ZNF474: variants seen among roughly 807,000 people sequenced by gnomAD.
The protein encoded by ZNF474 is 4933409D10Rik.
For synonymous variants in ZNF474, 192 were observed against 162.2 expected, an observed-to-expected ratio of 1.18 and a Z score of -1.39; for missense variants, 511 against 433.8, an observed-to-expected ratio of 1.18 and a Z score of -1.58.
chr5:122,152,743 T>C lies in ZNF474; in HGVS notation c.753T>C (p.Asn251=), dbSNP rs138137965. The change falls in exon 2 of 2, where the codon AAT becomes AAC. Residue 251 remains asparagine (N), a synonymous_variant. Coordinates refer to ENST00000296600, the MANE Select transcript of ZNF474 (RefSeq NM_207317.3). ...PKCLEKWKME[N]DRLPVELHQP... ...GCCTGGAAAAGTGGAAAATGGAAAA[T>C]GACCGGCTCCCTGTGGAGCTCCACC... 94 of 1,613,964 alleles carry C rather than the reference T, an allele frequency of 5.8e-5. No homozygotes were observed. The highest frequency in any genetic ancestry group is 1.6e-4 in the Middle Eastern group (1 of 6,082).
At chr5:122,142,988 C>T (rs554539682) in intron 1 of ZNF474, among the ~76,000 whole-genome samples, 22 of 152,252 alleles carry the variant, frequency 1.4e-4, no homozygotes, top group African/African-American at 4.6e-4. Context: ...AGGCATTTTC[C>T]TCAGAAACAG....
intron 1 of ZNF474, among the ~76,000 whole-genome samples, chr5:122,143,701 A>C (rs973609919): frequency 6.6e-6 from 1 of 152,198 alleles, no homozygotes; most frequent in African/African-American, 2.4e-5. Flanking sequence ...TCTCTTATAA[A>C]GTATTTCCAG....
chr5:122,133,488 A>G (rs1269860271), intron 1 of ZNF474, among the ~76,000 whole-genome samples: 1 of 152,206 alleles, frequency 6.6e-6, no homozygotes, highest in Admixed American at 6.5e-5. Context: ...CACTTCCATA[A>G]AATACCTATT....
chr5:122,143,743 A>T (rs1755911226), intron 1 of ZNF474, among the ~76,000 whole-genome samples: 2 of 152,170 alleles, frequency 1.3e-5, no homozygotes, highest in African/African-American at 2.4e-5. Context: ...TATGGTCTAT[A>T]TTGCTAATAG....
At chr5:122,143,426 T>A (rs1755900975) in intron 1 of ZNF474, among the ~76,000 whole-genome samples, 1 of 152,148 alleles carries the variant, frequency 6.6e-6, no homozygotes, top group Admixed American at 6.5e-5. Context: ...CTGGCAAACA[T>A]ATGCATCTAT....
At chr5:122,135,938 A>T (rs191910904) in intron 1 of ZNF474, among the ~76,000 whole-genome samples, 28 of 152,266 alleles carry the variant, frequency 1.8e-4, no homozygotes, top group African/African-American at 5.5e-4. Flanking sequence ...AGCTAAAAAA[A>T]AAAATGTGAT....
In ZNF474 at chr5:122,153,545, A is replaced by C. The variant is rs571259026; in HGVS notation, c.*460A>C. 5.8e-6 allele frequency: 1 copy of C among 173,660 alleles called. No individual in the cohort carries two copies. Among genetic ancestry groups the C allele is most frequent in the Admixed American group, 6.2e-5 (1 of 16,244 alleles). 10.8% of individuals were successfully genotyped at this position (173,660 alleles called of 1,614,324 possible). A position where few individuals can be genotyped will look rare whatever the true frequency, so the allele number is the denominator to read the frequency against. Reference sequence around the variant, plus strand: ...ACCCCCAATGACTTTAGCAACAATTAAACACTGAAGCACTTGCAAAAATAC... The same window carrying C: ...ACCCCCAATGACTTTAGCAACAATTCAACACTGAAGCACTTGCAAAAATAC... On this transcript the variant is annotated 3_prime_UTR_variant, in exon 2 of 2. Coordinates refer to ENST00000296600, the MANE Select transcript of ZNF474 (RefSeq NM_207317.3).
rs780298167 is a variant in ZNF474 at position 122,152,551 on chromosome 5, C to G, written c.561C>G (p.Cys187Trp). 1 of 1,614,040 alleles carries G rather than the reference C, an allele frequency of 6.2e-7. No homozygotes were observed. ...ATCTTCTTGTTCATCACAGAAGCTG[C>G]AAGCCAAAGGGTGAGGGTCCCAGAG... Reference protein sequence around the residue: ...PDHLLVHHRSCKPKGEGPRAP... With the variant: ...PDHLLVHHRSWKPKGEGPRAP... Residue 187 changes from cysteine to tryptophan, a missense_variant, in exon 2 of 2, where the codon TGC becomes TGG. Physicochemically the swap from Cys to Trp is radical, Grantham distance 215 (BLOSUM62 -2). Coordinates refer to ENST00000296600, the MANE Select transcript of ZNF474 (RefSeq NM_207317.3).
chr5:122,132,168 C>T (rs1300167389), intron 1 of ZNF474, among the ~76,000 whole-genome samples: 3 of 152,012 alleles, frequency 2.0e-5, no homozygotes, highest in Non-Finnish European at 4.4e-5. Context: ...GTAGTTTGTT[C>T]ATTTGTATTG....
At chr5:122,131,411 A>G (rs892368382) in intron 1 of ZNF474, among the ~76,000 whole-genome samples, 1 of 152,142 alleles carries the variant, frequency 6.6e-6, no homozygotes, top group African/African-American at 2.4e-5. Context: ...GTAACAAATT[A>G]TCTATCAACA....
chr5:122,129,943 T>C (rs1354218525), intron 1 of ZNF474, among the ~76,000 whole-genome samples: 1 of 152,176 alleles, frequency 6.6e-6, no homozygotes, highest in Non-Finnish European at 1.5e-5. Context: ...TTTTACTTCT[T>C]TGGATGCTGA....
At chr5:122,138,648 A>G (rs1755763931) in intron 1 of ZNF474, among the ~76,000 whole-genome samples, 1 of 152,224 alleles carries the variant, frequency 6.6e-6, no homozygotes, top group African/African-American at 2.4e-5. Flanking sequence ...TCATCACTAA[A>G]TAAGTGTCAG....
intron 1 of ZNF474, among the ~76,000 whole-genome samples, chr5:122,136,948 A>G (rs1000190745): frequency 2.6e-5 from 4 of 152,218 alleles, no homozygotes; most frequent in Non-Finnish European, 1.5e-5. Flanking sequence ...TGATATAACT[A>G]TGTAGAGAGC....
In ZNF474 at chr5:122,152,835, C is replaced by A. The variant is rs368395699; in HGVS notation, c.845C>A (p.Ala282Asp). ...AQSSQAGPNQ[A>D]QLVFCPHCSR... ...TCCAGCCAAGCGGGACCAAATCAAG[C>A]TCAGCTTGTGTTCTGCCCACATTGT... The change falls in exon 2 of 2, where the codon GCT becomes GAT. Residue 282 changes from alanine to aspartate, a missense_variant. By Grantham distance (126) the Ala-to-Asp change is moderately radical (BLOSUM62 -2). Coordinates refer to ENST00000296600, the MANE Select transcript of ZNF474 (RefSeq NM_207317.3). 6.2e-7 allele frequency: 1 copy of A among 1,614,192 alleles called. No homozygotes were observed. Among genetic ancestry groups the A allele is most frequent in the Non-Finnish European group, 8.5e-7 (1 of 1,180,020 alleles).
rs750119095 is a variant in ZNF474 at position 122,153,230 on chromosome 5, A to C, written c.*145A>C. 12 of 966,088 alleles carry C rather than the reference A, an allele frequency of 1.2e-5. No individual in the cohort carries two copies. Among genetic ancestry groups the C allele is most frequent in the Admixed American group, 2.9e-5 (1 of 34,026 alleles). The allele number at this position is 966,088 out of a possible 1,614,324, so 59.8% of individuals were successfully genotyped here. A position where few individuals can be genotyped will look rare whatever the true frequency, so the allele number is the denominator to read the frequency against. ...GCCTATACCTCTCTTGGCTGAATAG[A>C]TATAAGAACATCCTTGCCTGATGGG... On this transcript the variant is annotated 3_prime_UTR_variant, in exon 2 of 2. Transcript: ENST00000296600.
rs184778862 is a variant in ZNF474 at position 122,153,429 on chromosome 5, G to C, written c.*344G>C. On this transcript the variant is annotated 3_prime_UTR_variant, in exon 2 of 2. Transcript: ENST00000296600. Reference sequence around the variant, plus strand: ...ATTCCAACAGCCAATATTTATTGTCGGTTTATTTTAGTCATCTACCTTAGG... The same window carrying C: ...ATTCCAACAGCCAATATTTATTGTCCGTTTATTTTAGTCATCTACCTTAGG... 1.3e-4 allele frequency: 29 copies of C among 224,944 alleles called. No homozygotes were observed. Among genetic ancestry groups the C allele is most frequent in the African/African-American group, 5.7e-4 (25 of 43,482 alleles). 13.9% of individuals were successfully genotyped at this position (224,944 alleles called of 1,614,324 possible).
At chr5:122,150,151 G>A (rs1329877848) in intron 1 of ZNF474, among the ~76,000 whole-genome samples, 1 of 152,150 alleles carries the variant, frequency 6.6e-6, no homozygotes, top group African/African-American at 2.4e-5. Flanking sequence ...CCACGGGCTG[G>A]ATTTAAAACC....
chr5:122,137,018 GCAAA>G (rs903641414), intron 1 of ZNF474, among the ~76,000 whole-genome samples: 1 of 152,138 alleles, frequency 6.6e-6, no homozygotes. Context: ...TATTACACAT[GCAAA>G]CAAACAGACA....
chr5:122,137,582 G>A (rs1232246454), intron 1 of ZNF474, among the ~76,000 whole-genome samples: 1 of 150,644 alleles, frequency 6.6e-6, no homozygotes, highest in Non-Finnish European at 1.5e-5. Flanking sequence ...GCAATGGCAA[G>A]AGCATGTGCA....
Sources: allele counts gnomAD v4.1 joint callset (sites outside exome capture counted in the v4.1 genomes callset), GRCh38; gene constraint gnomAD v4.1.1; transcripts MANE v1.5; gene names NCBI Gene and HGNC (gene_info 2026-07-23, HGNC 2026-07-21).